The following MIPOL1 variants were observed in gnomAD, a reference collection of about 807,000 sequenced individuals.
MIPOL1 encodes mirror-image polydactyly gene 1 protein.
A neutral mutation model predicts 60.9 loss-of-function variants in MIPOL1; 57 were observed. The observed-to-expected ratio is 0.94, with a 90% confidence interval of 0.76 to 1.17. MIPOL1 has a LOEUF of 1.17. Ranked by LOEUF, MIPOL1 falls within the 50% of genes most tolerant of loss-of-function variation. The pLI is 0.00. For synonymous variants in MIPOL1, 179 were observed against 168.8 expected (o/e 1.06, Z -0.47); for missense variants, 551 against 511.6 (o/e 1.08, Z -0.74).
intron 1 of MIPOL1, among the ~76,000 whole-genome samples, chr14:37,229,572 G>A (rs1844149316): frequency 3.3e-5 from 5 of 152,100 alleles, no homozygotes; most frequent in Admixed American, 3.3e-4. Flanking sequence ...ATTAAATTAA[G>A]TCAACAACAT....
At chr14:37,277,946 A>G (rs2083803821) in intron 6 of MIPOL1, 1 of 151,490 alleles carries the variant, frequency 6.6e-6, no homozygotes, top group South Asian at 2.1e-4. Flanking sequence ...ATATTTTTTA[A>G]GAATACTGAA....
intron 1 of MIPOL1, among the ~76,000 whole-genome samples, chr14:37,213,541 A>G (rs1359495549): frequency 6.6e-6 from 1 of 152,154 alleles, no homozygotes; most frequent in Admixed American, 6.6e-5. Flanking sequence ...AGAAAAAAGA[A>G]TAAAAAAACA....
At chr14:37,245,972 C>T (rs780209058) in intron 1 of MIPOL1, among the ~76,000 whole-genome samples, 1 of 152,020 alleles carries the variant, frequency 6.6e-6, no homozygotes, top group East Asian at 1.9e-4. Flanking sequence ...AAACAGGATG[C>T]ATTTTTGTGT....
At chr14:37,524,449 A>G (rs1025392816) in intron 12 of MIPOL1, among the ~76,000 whole-genome samples, 4 of 152,282 alleles carry the variant, frequency 2.6e-5, no homozygotes, top group African/African-American at 9.6e-5. Flanking sequence ...CTGGAGGAAG[A>G]ACAGAGTGAA....
chr14:37,442,468 C>T (rs932378778), intron 11 of MIPOL1, among the ~76,000 whole-genome samples: 1 of 151,880 alleles, frequency 6.6e-6, no homozygotes, highest in Admixed American at 6.6e-5. Flanking sequence ...GGGAATGATT[C>T]CAATTTTTGC....
chr14:37,240,290 G>A (rs1455936091), intron 1 of MIPOL1: 7 of 152,238 alleles, frequency 4.6e-5, no homozygotes, highest in African/African-American at 1.4e-4. Flanking sequence ...TATAATATAT[G>A]ATGAATTAAA....
At chr14:37,295,958 T>C (rs1288730749) in intron 7 of MIPOL1, among the ~76,000 whole-genome samples, 1 of 152,134 alleles carries the variant, frequency 6.6e-6, no homozygotes, top group African/African-American at 2.4e-5. Context: ...GCAGACCTAA[T>C]AGACATCTAC....
chr14:37,538,474 G>A (rs2095516062), intron 12 of MIPOL1, among the ~76,000 whole-genome samples: 1 of 152,098 alleles, frequency 6.6e-6, no homozygotes, highest in Non-Finnish European at 1.5e-5. Flanking sequence ...AAAAGTGATA[G>A]CAAATTCAGG....
At position 37,548,317 on chromosome 14, in the gene MIPOL1, A is replaced by G. The variant is rs1285316308; in HGVS notation, c.*1346A>G. 6.6e-6 allele frequency: 1 copy of G among 152,040 alleles called. No individual in the cohort carries two copies. Among genetic ancestry groups the G allele is most frequent in the African/African-American group, 2.4e-5 (1 of 41,444 alleles). The allele number at this position is 152,040 out of a possible 1,614,324, so 9.4% of individuals were successfully genotyped here. A position where few individuals can be genotyped will look rare whatever the true frequency, so the allele number is the denominator to read the frequency against. ...TTCAATTTTTTTTTACTCCACAGGAAAATGTAAGCTACTTTGTCATAGATC... is the reference window on the plus strand; with the variant it reads ...TTCAATTTTTTTTTACTCCACAGGAGAATGTAAGCTACTTTGTCATAGATC... On this transcript the variant is annotated 3_prime_UTR_variant, in exon 13 of 13. Transcript: ENST00000684589.
chr14:37,463,913 A>G (rs2094568973), intron 11 of MIPOL1, among the ~76,000 whole-genome samples: 1 of 152,210 alleles, frequency 6.6e-6, no homozygotes. Context: ...TAGCTCAACA[A>G]CAACAAAAAC....
intron 12 of MIPOL1, among the ~76,000 whole-genome samples, chr14:37,541,868 A>C (rs1464629700): frequency 2.6e-5 from 4 of 152,094 alleles, no homozygotes; most frequent in African/African-American, 2.4e-5. Flanking sequence ...TTTAAAAAGC[A>C]TTTCCTTCCT....
intron 1 of MIPOL1, among the ~76,000 whole-genome samples, chr14:37,235,706 C>G (rs1971356137): frequency 6.6e-6 from 1 of 152,086 alleles, no homozygotes; most frequent in Non-Finnish European, 1.5e-5. Flanking sequence ...TTCATCATCT[C>G]AAGCAGAAAC....
chr14:37,497,600 G>A (rs753065915), intron 11 of MIPOL1, among the ~76,000 whole-genome samples: 18 of 152,208 alleles, frequency 1.2e-4, no homozygotes, highest in Non-Finnish European at 2.4e-4. Flanking sequence ...GAGCTACTCA[G>A]CAGGCTGAGG....
At chr14:37,432,108 T>A (rs2094081915) in intron 11 of MIPOL1, among the ~76,000 whole-genome samples, 1 of 152,228 alleles carries the variant, frequency 6.6e-6, no homozygotes, top group African/African-American at 2.4e-5. Context: ...CCTCCTGGAC[T>A]ACTCCATCTC....
At chr14:37,426,950 T>C (rs1301116943) in intron 11 of MIPOL1, among the ~76,000 whole-genome samples, 1 of 152,064 alleles carries the variant, frequency 6.6e-6, no homozygotes, top group South Asian at 2.1e-4. Flanking sequence ...CAGAGAACTT[T>C]CCTGCATCGC....
chr14:37,351,107 G>T (rs1490703345), intron 9 of MIPOL1, among the ~76,000 whole-genome samples: 4 of 137,132 alleles, frequency 2.9e-5, no homozygotes, highest in Admixed American at 2.5e-4. Flanking sequence ...CCCTTTCTGT[G>T]TCCATGTGAT....
chr14:37,207,564 G>A (rs1966289619), intron 1 of MIPOL1, among the ~76,000 whole-genome samples: 2 of 151,540 alleles, frequency 1.3e-5, no homozygotes, highest in Non-Finnish European at 2.9e-5. Flanking sequence ...ATTATTTTTT[G>A]AGATGGAGTC....
intron 7 of MIPOL1, among the ~76,000 whole-genome samples, chr14:37,290,355 A>G (rs1216169500): frequency 6.6e-6 from 1 of 151,978 alleles, no homozygotes; most frequent in Admixed American, 6.6e-5. Context: ...CCTCCCAAGT[A>G]ACTGGGACTA....
intron 10 of MIPOL1, among the ~76,000 whole-genome samples, chr14:37,375,607 T>G (rs1004793699): frequency 2.0e-5 from 3 of 152,202 alleles, no homozygotes; most frequent in Non-Finnish European, 4.4e-5. Flanking sequence ...TGATTGTTAA[T>G]AAAACTTTGA....
Sources: allele counts gnomAD v4.1 joint callset (sites outside exome capture counted in the v4.1 genomes callset), GRCh38; gene constraint gnomAD v4.1.1; transcripts MANE v1.5; gene names NCBI Gene and HGNC (gene_info 2026-07-23, HGNC 2026-07-21).